Variants in SCYL2 observed in about 807,000 individuals in gnomAD.
The protein encoded by SCYL2 is SCY1-like protein 2.
In SCYL2, 36 loss-of-function variants were observed where a neutral mutation model predicts 100.4. The ratio of observed to expected loss-of-function variants is 0.36; its 90% CI spans 0.27 to 0.47. SCYL2 has a LOEUF of 0.47. Ranked by LOEUF, SCYL2 falls within the 20% of genes least tolerant of loss-of-function variation. The pLI, the probability that SCYL2 is intolerant of heterozygous loss-of-function variation, is 1.00. For missense variants in SCYL2, 902 were observed against 1,083.9 expected (o/e 0.83, Z 2.36); for synonymous variants, 330 against 359.2 (o/e 0.92, Z 0.92).
At chr12:100,334,515 G>A (rs532398738) in intron 14 of SCYL2, among the ~76,000 whole-genome samples, 2 of 152,144 alleles carry the variant, frequency 1.3e-5, no homozygotes, top group South Asian at 4.1e-4. Context: ...TCTACATAAA[G>A]AAAATTCTGT....
chr12:100,312,192 A>G (rs781548746), intron 5 of SCYL2, among the ~76,000 whole-genome samples: 6 of 152,178 alleles, frequency 3.9e-5, no homozygotes, highest in Admixed American at 3.3e-4. Context: ...TTCATATTAC[A>G]TATTACAGTG....
rs1952181189 is a variant in SCYL2 at position 100,329,453 on chromosome 12, A to G, written c.1761+134A>G. The G allele has an allele frequency of 5.9e-6, 3 of 509,070 alleles. No individual in the cohort carries two copies. The East Asian group carries it at 8.5e-5, about 14-fold the overall frequency. The allele number at this position is 509,070 out of a possible 1,614,324, so 31.5% of individuals were successfully genotyped here. Reference sequence around the variant, plus strand: ...AATATGCCACAGAACTAAATGAAGAAAGTTTGTGGGTGGAAGGATAGATTG... The same window carrying G: ...AATATGCCACAGAACTAAATGAAGAGAGTTTGTGGGTGGAAGGATAGATTG... On this transcript the variant is annotated intron_variant, in intron 13 of 17. Transcript: ENST00000360820.
intron 3 of SCYL2, among the ~76,000 whole-genome samples, chr12:100,297,006 A>G (rs918760476): frequency 1.3e-4 from 20 of 152,244 alleles, no homozygotes; most frequent in African/African-American, 4.3e-4. Context: ...TGAGACATCA[A>G]TTAAAGGACA....
At chr12:100,317,050 C>T (rs778502190) in intron 9 of SCYL2, among the ~76,000 whole-genome samples, 60 of 151,536 alleles carry the variant, frequency 4.0e-4, no homozygotes, top group Admixed American at 5.3e-4. Flanking sequence ...AAGCTATGAT[C>T]GCGCCACTGC....
Position 100,317,868 on chromosome 12 carries a change from G to A in SCYL2, c.1338G>A (p.Lys446=), listed in dbSNP as rs757074338. 4.4e-6 allele frequency: 7 copies of A among 1,608,992 alleles called. 1 individual carries two copies. The South Asian group carries it at 7.8e-5, about 18-fold the overall frequency. Residue 446 remains lysine (K), a synonymous_variant, in exon 10 of 18, where the codon AAG becomes AAA. Transcript: ENST00000360820. ...CCAAAACCCCTCCTGATGAGATAAAGAACAGTGTTCTACCCATGGTTTACA... is the reference window on the plus strand; with the variant it reads ...CCAAAACCCCTCCTGATGAGATAAAAAACAGTGTTCTACCCATGGTTTACA... ...LLTKTPPDEI[K]NSVLPMVYRA...
At chr12:100,267,919 A>C (rs2096281087) in intron 1 of SCYL2, 127 bp downstream of exon 1, 1 of 152,106 alleles carries the variant, frequency 6.6e-6, no homozygotes, top group East Asian at 1.9e-4. Flanking sequence ...ATTGTGTGTG[A>C]GGTGGGTGGG....
At chr12:100,336,671 G>A (rs1952281659) in intron 16 of SCYL2, among the ~76,000 whole-genome samples, 1 of 151,980 alleles carries the variant, frequency 6.6e-6, no homozygotes. Flanking sequence ...CATCTCATAA[G>A]TAGATAAAAA....
chr12:100,323,945 T>C (rs1412384587), intron 11 of SCYL2: 1 of 173,154 alleles, frequency 5.8e-6, no homozygotes, highest in Non-Finnish European at 1.2e-5. Flanking sequence ...AAAAATATTA[T>C]GAGAGTTTAA....
Position 100,334,161 on chromosome 12 carries a change from AC to A in SCYL2, c.1762-3del, listed in dbSNP as rs1206982862. On this transcript the variant is annotated splice_polypyrimidine_tract_variant and splice_region_variant and intron_variant, in intron 13 of 17. Transcript: ENST00000360820. Reference sequence around the variant, plus strand: ...TGTAACCATATCAATTTCTCATTATACCAGTTCAATTCTTTCATTTCCGTCA... The same window carrying A: ...TGTAACCATATCAATTTCTCATTATACAGTTCAATTCTTTCATTTCCGTCA... The A allele has an allele frequency of 2.6e-6, 4 of 1,510,506 alleles. No homozygotes were observed. Among genetic ancestry groups the A allele is most frequent in the Non-Finnish European group, 3.7e-6 (4 of 1,090,072 alleles). The allele number at this position is 1,510,506 out of a possible 1,614,324, so 93.6% of individuals were successfully genotyped here.
intron 1 of SCYL2, among the ~76,000 whole-genome samples, chr12:100,275,346 CAT>C (rs1202372769): frequency 1.3e-5 from 2 of 152,042 alleles, no homozygotes; most frequent in Non-Finnish European, 2.9e-5. Flanking sequence ...GGACTGCAGA[CAT>C]GTGCTACTGC....
chr12:100,323,059 C>T (rs1261424909), intron 10 of SCYL2, among the ~76,000 whole-genome samples: 3 of 151,490 alleles, frequency 2.0e-5, no homozygotes, highest in African/African-American at 7.3e-5. Context: ...ATTAAACACT[C>T]CTTTCGGTAT....
chr12:100,317,948 C>A, intron 10 of SCYL2, 23 bp downstream of exon 10: 1 of 1,520,706 alleles, frequency 6.6e-7, no homozygotes, highest in South Asian at 1.3e-5. Context: ...ATTTGTTTTT[C>A]TTTAATGATG....
chr12:100,337,645 C>T (rs1404699161), intron 17 of SCYL2, 139 bp downstream of exon 17: 3 of 835,126 alleles, frequency 3.6e-6, no homozygotes, highest in Non-Finnish European at 5.6e-6. Flanking sequence ...GAAGTATGGG[C>T]ATAAATGATT....
intron 1 of SCYL2, among the ~76,000 whole-genome samples, chr12:100,269,775 A>C (rs965438341): frequency 6.6e-6 from 1 of 152,150 alleles, no homozygotes; most frequent in Non-Finnish European, 1.5e-5. Context: ...TTTGCTGTTC[A>C]TCAGAATCAC....
intron 10 of SCYL2, among the ~76,000 whole-genome samples, chr12:100,322,108 C>T (rs1010640607): frequency 6.7e-6 from 1 of 149,526 alleles, no homozygotes; most frequent in Non-Finnish European, 1.5e-5. Context: ...CGCGGTGGCT[C>T]ACGCCTGTAA....
At chr12:100,321,577 T>C (rs985227499) in intron 10 of SCYL2, among the ~76,000 whole-genome samples, 8 of 152,316 alleles carry the variant, frequency 5.3e-5, no homozygotes, top group South Asian at 2.1e-4. Context: ...AATCTTTTTT[T>C]CCCCCATTTC....
chr12:100,304,833 A>G (rs1234094578), intron 4 of SCYL2, among the ~76,000 whole-genome samples: 2 of 152,108 alleles, frequency 1.3e-5, no homozygotes, highest in Admixed American at 6.5e-5. Context: ...GAAAGCAAAA[A>G]AAAAAGCGGG....
chr12:100,323,580 T>G lies in SCYL2; in HGVS notation c.1451T>G (p.Met484Arg). 1 of 1,607,612 alleles carries G rather than the reference T, an allele frequency of 6.2e-7. No individual in the cohort carries two copies. Among genetic ancestry groups the G allele is most frequent in the South Asian group, 1.1e-5 (1 of 90,128 alleles). ...GCAAATCTTATAGACTACCCATCCA[T>G]GAAAAACGCTTTGATACCAAGAATT... ...TFANLIDYPSMKNALIPRIKN... is the reference protein window; with the variant it reads ...TFANLIDYPSRKNALIPRIKN... Residue 484 changes from methionine to arginine, a missense_variant, in exon 11 of 18, where the codon ATG becomes AGG. By Grantham distance (91) the Met-to-Arg change is moderately conservative. Coordinates refer to ENST00000360820, the MANE Select transcript of SCYL2 (RefSeq NM_017988.6).
At chr12:100,307,170 G>C (rs1401750534) in intron 4 of SCYL2, among the ~76,000 whole-genome samples, 1 of 152,104 alleles carries the variant, frequency 6.6e-6, no homozygotes, top group Admixed American at 6.5e-5. Context: ...GAACCAAAAA[G>C]AACCTGTATA....
Sources: gnomAD v4.1 joint callset for allele counts (sites outside exome capture counted in the v4.1 genomes callset) on GRCh38, gnomAD v4.1.1 for gene constraint, MANE v1.5 for transcripts, NCBI Gene and HGNC (gene_info 2026-07-23, HGNC 2026-07-21) for gene names.